The following TBC1D22B variants were observed in gnomAD, a reference collection of about 807,000 sequenced individuals.
TBC1D22B encodes TBC1 domain family member 22B.
Under a neutral mutation model 69.1 loss-of-function variants are expected in TBC1D22B, and 32 were observed. That is an observed-to-expected ratio of 0.46 (90% CI 0.35 to 0.62). TBC1D22B has a LOEUF of 0.62. TBC1D22B is among the 20% of genes least tolerant of loss of function. The probability of loss-of-function intolerance (pLI) is 0.00; values close to 1 mark genes in which losing one functional copy is unlikely to be tolerated. For missense variants in TBC1D22B, 462 were observed against 630.9 expected (o/e 0.73, Z 2.87); for synonymous variants, 206 against 229.8 (o/e 0.90, Z 0.94).
chr6:37,286,379 G>A (rs1047729105), intron 6 of TBC1D22B, among the ~76,000 whole-genome samples: 1 of 150,310 alleles, frequency 6.7e-6, no homozygotes, highest in Non-Finnish European at 1.5e-5. Context: ...GCAGTGGCCC[G>A]ATCTCGGCTC....
At chr6:37,322,713 G>A (rs1339543132) in intron 12 of TBC1D22B, among the ~76,000 whole-genome samples, 1 of 152,210 alleles carries the variant, frequency 6.6e-6, no homozygotes, top group East Asian at 1.9e-4. Flanking sequence ...TCCCAAAGCA[G>A]ATTAATGTCA....
At chr6:37,298,370 A>G (rs968631370) in intron 8 of TBC1D22B, among the ~76,000 whole-genome samples, 2 of 152,082 alleles carry the variant, frequency 1.3e-5, no homozygotes, top group South Asian at 4.2e-4. Flanking sequence ...CAAGCTATTC[A>G]TACTTTTCTG....
At chr6:37,311,697 A>G (rs1331878671) in intron 8 of TBC1D22B, among the ~76,000 whole-genome samples, 1 of 152,188 alleles carries the variant, frequency 6.6e-6, no homozygotes, top group East Asian at 1.9e-4. Context: ...AAGAAAGAAA[A>G]AAAAAGGCTA....
intron 2 of TBC1D22B, among the ~76,000 whole-genome samples, chr6:37,277,777 G>A (rs1766711381): frequency 6.6e-6 from 1 of 151,876 alleles, no homozygotes; most frequent in Admixed American, 6.6e-5. Context: ...CACTCAAATA[G>A]TCTTGTTTTA....
At chr6:37,262,171 C>T (rs1170179519) in intron 1 of TBC1D22B, among the ~76,000 whole-genome samples, 3 of 151,558 alleles carry the variant, frequency 2.0e-5, no homozygotes, top group Admixed American at 2.0e-4. Flanking sequence ...GCTGGGATTA[C>T]AGGCACATGC....
At chr6:37,274,966 C>A (rs1263508675) in intron 2 of TBC1D22B, among the ~76,000 whole-genome samples, 1 of 152,160 alleles carries the variant, frequency 6.6e-6, no homozygotes, top group African/African-American at 2.4e-5. Context: ...GCAAGAGAAT[C>A]GCTTGAACCC....
At position 37,279,330 on chromosome 6, in the gene TBC1D22B, A is replaced by G; in HGVS notation, c.140A>G (p.Asn47Ser). Residue 47 changes from asparagine (N) to serine (S), a missense_variant, in exon 3 of 13, where the codon AAC (asparagine) becomes AGC (serine). Around this residue, in one of 2 missense-constraint regions of TBC1D22B, gnomAD observed 237 missense variants for 255.4 expected, o/e 0.93. Transcript: ENST00000373491. Reference sequence around the variant, plus strand: ...TTCATTAAAGAACGATCAAAAGTCAACACAGTTCCTCTGAAGAATAAGAAG... The same window carrying G: ...TTCATTAAAGAACGATCAAAAGTCAGCACAGTTCCTCTGAAGAATAAGAAG... ...KNFIKERSKV[N>S]TVPLKNKKAS... The G allele has an allele frequency of 6.2e-7, 1 of 1,610,000 alleles. No homozygotes were observed. The highest frequency in any genetic ancestry group is 1.3e-5 in the African/African-American group (1 of 74,706).
chr6:37,318,995 T>C lies in TBC1D22B; in HGVS notation c.1389+1789T>C, dbSNP rs114103561. On this transcript the variant is annotated intron_variant, in intron 12 of 12. Transcript: ENST00000373491. ...CTTTTCTAAGTTCTAACTAATAACA[T>C]AGATGTTCTGAAGAGTGGCAGCGTC... is the stretch of plus-strand genomic sequence containing the variant. Among the ~76,000 whole-genome samples the C allele has an allele frequency of 2.7e-3, 409 of 152,316 alleles. 2 individuals carry two copies. Among genetic ancestry groups the C allele is most frequent in the African/African-American group, 9.1e-3 (379 of 41,572 alleles).
chr6:37,269,515 G>A (rs1766412126), intron 1 of TBC1D22B, 79 bp from the exon 2 acceptor site: 2 of 1,369,720 alleles, frequency 1.5e-6, no homozygotes, highest in East Asian at 4.6e-5. Flanking sequence ...ATCCAATTTT[G>A]TGATGCAGAT....
chr6:37,329,844 C>A (rs922994050), intron 12 of TBC1D22B, among the ~76,000 whole-genome samples: 1 of 152,216 alleles, frequency 6.6e-6, no homozygotes, highest in Admixed American at 6.5e-5. Flanking sequence ...CTAGAAGTTA[C>A]ACCTATCATT....
At chr6:37,322,111 T>C (rs1398075685) in intron 12 of TBC1D22B, among the ~76,000 whole-genome samples, 2 of 152,192 alleles carry the variant, frequency 1.3e-5, no homozygotes, top group African/African-American at 4.8e-5. Flanking sequence ...TGTGTACTAC[T>C]AAGGAAGTGA....
At chr6:37,264,531 G>A (rs1583520099) in intron 1 of TBC1D22B, among the ~76,000 whole-genome samples, 2 of 152,130 alleles carry the variant, frequency 1.3e-5, no homozygotes, top group South Asian at 4.1e-4. Context: ...GGCCAGTCTC[G>A]AACTGCTGGA....
intron 11 of TBC1D22B, 135 bp downstream of exon 11, chr6:37,316,965 G>A: frequency 6.6e-7 from 1 of 1,520,914 alleles, no homozygotes; most frequent in Non-Finnish European, 8.9e-7. Context: ...TTAGCCTCAG[G>A]GCAGGGCCTT....
intron 6 of TBC1D22B, among the ~76,000 whole-genome samples, chr6:37,285,615 C>T (rs1423968635): frequency 6.6e-6 from 1 of 152,220 alleles, no homozygotes; most frequent in Non-Finnish European, 1.5e-5. Flanking sequence ...GCCTCACCCT[C>T]CTGGATAGCT....
intron 8 of TBC1D22B, among the ~76,000 whole-genome samples, chr6:37,306,706 T>G (rs1767727930): frequency 6.6e-6 from 1 of 152,190 alleles, no homozygotes; most frequent in Non-Finnish European, 1.5e-5. Flanking sequence ...AAAATTAATT[T>G]TAACCAGGGC....
rs1768575978 is a variant in TBC1D22B at position 37,331,313 on chromosome 6, T to C, written c.*141T>C. 4 of 791,258 alleles carry C rather than the reference T, an allele frequency of 5.1e-6. No individual in the cohort carries two copies. The highest frequency in any genetic ancestry group is 5.0e-5 in the South Asian group (3 of 59,418). 49.0% of individuals were successfully genotyped at this position (791,258 alleles called of 1,614,324 possible). A position where few individuals can be genotyped will look rare whatever the true frequency, so the allele number is the denominator to read the frequency against. On this transcript the variant is annotated 3_prime_UTR_variant, in exon 13 of 13. Coordinates refer to ENST00000373491, the MANE Select transcript of TBC1D22B (RefSeq NM_017772.4). Reference sequence around the variant, plus strand: ...ACACCCACCGCCCAGGTCTTAACTTTCTGGCATCCACCACTCCATGTCTCT... The same window carrying C: ...ACACCCACCGCCCAGGTCTTAACTTCCTGGCATCCACCACTCCATGTCTCT...
chr6:37,299,889 A>T (rs1481104729), intron 8 of TBC1D22B, among the ~76,000 whole-genome samples: 18 of 151,720 alleles, frequency 1.2e-4, no homozygotes, highest in Non-Finnish European at 1.5e-5. Flanking sequence ...GCTGCCTGTT[A>T]TCTCAGCTAC....
At chr6:37,260,727 A>G (rs969929687) in intron 1 of TBC1D22B, among the ~76,000 whole-genome samples, 9 of 152,172 alleles carry the variant, frequency 5.9e-5, no homozygotes, top group African/African-American at 2.2e-4. Context: ...TTTTATATAT[A>G]TGGAGTAATA....
In TBC1D22B at chr6:37,282,276, C is replaced by T. The variant is rs755914209; in HGVS notation, c.513C>T (p.Asn171=). 2.6e-5 allele frequency: 42 copies of T among 1,614,078 alleles called. 1 individual carries two copies. The highest frequency in any genetic ancestry group is 2.0e-4 in the African/African-American group (15 of 74,918). The change falls in exon 4 of 13, where the codon AAC becomes AAT. Residue 171 remains asparagine (N), a synonymous_variant. Transcript: ENST00000373491. ...IPLVARISDQ[N]ASGAPPMTVR... ...TCGTTGCCCGGATCTCGGATCAGAA[C>T]GCTTCTGGGGCCCCCCCAATGACTG...
Sources: allele counts gnomAD v4.1 joint callset (sites outside exome capture counted in the v4.1 genomes callset), GRCh38; gene constraint gnomAD v4.1.1; regional missense constraint gnomAD v4.1.1; transcripts MANE v1.5; gene names NCBI Gene and HGNC (gene_info 2026-07-23, HGNC 2026-07-21).